Variants in GPC6 observed in about 807,000 individuals in gnomAD.
The protein encoded by GPC6 is glypican-6.
Under a neutral mutation model 55.2 loss-of-function variants are expected in GPC6, and 14 were observed. The ratio of observed to expected loss-of-function variants is 0.25; its 90% confidence interval spans 0.17 to 0.40. GPC6 has a LOEUF of 0.40. GPC6 is among the 10% of genes least tolerant of loss of function. The probability of loss-of-function intolerance (pLI) is 1.00; values close to 1 mark genes in which losing one functional copy is unlikely to be tolerated. For synonymous variants in GPC6, 278 were observed against 259.6 expected (o/e 1.07, Z -0.68); for missense variants, 641 against 708.5 (o/e 0.90, Z 1.08).
At chr13:93,424,278 G>A (rs1003189835) in intron 1 of GPC6, among the ~76,000 whole-genome samples, 4 of 152,156 alleles carry the variant, frequency 2.6e-5, no homozygotes, top group South Asian at 2.1e-4. Flanking sequence ...ATTGAGGCAG[G>A]GAAGCTCAGC....
At chr13:93,753,099 G>C (rs1331576874) in intron 2 of GPC6, among the ~76,000 whole-genome samples, 1 of 152,160 alleles carries the variant, frequency 6.6e-6, no homozygotes, top group African/African-American at 2.4e-5. Flanking sequence ...GTAGGCTTTG[G>C]TGATGACATA....
intron 3 of GPC6, among the ~76,000 whole-genome samples, chr13:93,910,744 A>G (rs1876926263): frequency 6.6e-6 from 1 of 152,164 alleles, no homozygotes; most frequent in Admixed American, 6.5e-5. Context: ...CTTGCCCCCA[A>G]CCCTTAATCC....
At chr13:93,396,381 G>A (rs186495352) in intron 1 of GPC6, among the ~76,000 whole-genome samples, 6 of 152,064 alleles carry the variant, frequency 3.9e-5, no homozygotes, top group Admixed American at 2.0e-4. Flanking sequence ...TGGCCAATAC[G>A]GTGAAAACCT....
intron 3 of GPC6, among the ~76,000 whole-genome samples, chr13:93,838,639 GA>G (rs1252275517): frequency 6.6e-6 from 1 of 152,156 alleles, no homozygotes; most frequent in African/African-American, 2.4e-5. Context: ...GCAGGGAGCT[GA>G]TAAACTGGCT....
At chr13:93,991,961 CTATA>C (rs1315834824) in intron 3 of GPC6, among the ~76,000 whole-genome samples, 3 of 151,924 alleles carry the variant, frequency 2.0e-5, no homozygotes, top group Non-Finnish European at 4.4e-5. Flanking sequence ...TTCCATAAAA[CTATA>C]TATACATACA....
At chr13:93,760,030 A>AG (rs1020363616) in intron 2 of GPC6, among the ~76,000 whole-genome samples, 1 of 151,454 alleles carries the variant, frequency 6.6e-6, no homozygotes, top group African/African-American at 2.4e-5. Context: ...GAAAACAAAA[A>AG]AAAAAATCGT....
chr13:94,007,486 A>G (rs1882068490), intron 3 of GPC6, among the ~76,000 whole-genome samples: 2 of 152,142 alleles, frequency 1.3e-5, no homozygotes, highest in African/African-American at 4.8e-5. Flanking sequence ...GCTGCTGCTG[A>G]CCATGGACAG....
At chr13:93,824,030 A>T (rs1482931005) in intron 2 of GPC6, among the ~76,000 whole-genome samples, 1 of 152,190 alleles carries the variant, frequency 6.6e-6, no homozygotes, top group East Asian at 1.9e-4. Flanking sequence ...CTTTTAAAAT[A>T]AACTGTAATT....
At chr13:93,933,686 G>A (rs1878292912) in intron 3 of GPC6, among the ~76,000 whole-genome samples, 1 of 152,144 alleles carries the variant, frequency 6.6e-6, no homozygotes, top group Non-Finnish European at 1.5e-5. Context: ...TGTTAGTACT[G>A]TTATTGTCAC....
intron 1 of GPC6, among the ~76,000 whole-genome samples, chr13:93,526,646 G>C (rs1217242453): frequency 1.3e-5 from 2 of 152,052 alleles, no homozygotes; most frequent in Non-Finnish European, 2.9e-5. Context: ...CAATGACATA[G>C]GCTGAAGTTA....
intron 7 of GPC6, among the ~76,000 whole-genome samples, chr13:94,390,560 G>GT (rs1447836588): frequency 6.6e-6 from 1 of 152,082 alleles, no homozygotes; most frequent in African/African-American, 2.4e-5. Flanking sequence ...GAAGGGGGTG[G>GT]TGCCACACAA....
chr13:93,523,333 G>A (rs1020729893), intron 1 of GPC6, among the ~76,000 whole-genome samples: 2 of 145,550 alleles, frequency 1.4e-5, no homozygotes, highest in Admixed American at 1.3e-4. Context: ...ATATATATAT[G>A]CATGTGTATA....
At chr13:93,322,919 C>G (rs1879508744) in intron 1 of GPC6, among the ~76,000 whole-genome samples, 1 of 151,904 alleles carries the variant, frequency 6.6e-6, no homozygotes, top group Non-Finnish European at 1.5e-5. Context: ...AGGTATTTCT[C>G]CTAATGCTAT....
chr13:93,419,651 A>C (rs1198161653), intron 1 of GPC6, among the ~76,000 whole-genome samples: 1 of 152,126 alleles, frequency 6.6e-6, no homozygotes, highest in South Asian at 2.1e-4. Context: ...CAAGCCTGTA[A>C]CACAGTGAAG....
intron 4 of GPC6, among the ~76,000 whole-genome samples, chr13:94,050,830 A>G (rs1382503068): frequency 6.6e-6 from 1 of 152,150 alleles, no homozygotes; most frequent in African/African-American, 2.4e-5. Flanking sequence ...CTGGGTCCCT[A>G]TGCCAGTGAA....
chr13:94,145,825 C>A (rs1401733127), intron 4 of GPC6, among the ~76,000 whole-genome samples: 1 of 151,996 alleles, frequency 6.6e-6, no homozygotes, highest in African/African-American at 2.4e-5. Flanking sequence ...AATGTATAAA[C>A]AAAAGGTTGA....
chr13:93,895,305 A>G (rs1027920446), intron 3 of GPC6, among the ~76,000 whole-genome samples: 15 of 143,416 alleles, frequency 1.0e-4, no homozygotes, highest in Non-Finnish European at 6.1e-5. Context: ...AATTTATAGT[A>G]TGAACCCTGC....
chr13:93,830,720 C>A, intron 3 of GPC6, 175 bp downstream of exon 3: 1 of 633,462 alleles, frequency 1.6e-6, no homozygotes, highest in South Asian at 2.0e-5. Flanking sequence ...CTTTTCCTTG[C>A]ATTGTGTGAG....
At chr13:94,048,712 T>C (rs1883823707) in intron 4 of GPC6, among the ~76,000 whole-genome samples, 1 of 151,894 alleles carries the variant, frequency 6.6e-6, no homozygotes, top group Non-Finnish European at 1.5e-5. Flanking sequence ...CAGGAGGCAA[T>C]GTCTAGGTGT....
Sources: gnomAD v4.1 joint callset for allele counts (sites outside exome capture counted in the v4.1 genomes callset) on GRCh38, gnomAD v4.1.1 for gene constraint, MANE v1.5 for transcripts, NCBI Gene and HGNC (gene_info 2026-07-23, HGNC 2026-07-21) for gene names.